FBXO28: variants seen among roughly 807,000 people sequenced by gnomAD.
The protein encoded by FBXO28 is F-box protein 28.
FBXO28 carries 8 observed loss-of-function variants against 38.1 expected under a neutral mutation model. The observed-to-expected ratio is 0.21, with a 90% CI of 0.12 to 0.38. The LOEUF (loss-of-function observed/expected upper bound fraction) is 0.38. Among genes scored for constraint, FBXO28 ranks in the 10% least tolerant of loss-of-function variants. The pLI, the probability that FBXO28 is intolerant of heterozygous loss-of-function variation, is 1.00. For synonymous variants in FBXO28, 168 were observed against 173.8 expected (o/e 0.97, Z 0.26); for missense variants, 345 against 460.6 (o/e 0.75, Z 2.30).
At chr1:224,123,411 C>G (rs1283065702) in intron 1 of FBXO28, among the ~76,000 whole-genome samples, 1 of 132,832 alleles carries the variant, frequency 7.5e-6, no homozygotes, top group Non-Finnish European at 1.5e-5. Flanking sequence ...CCACTCCACT[C>G]CAGCCTGGGC....
At position 224,157,685 on chromosome 1, in the gene FBXO28, A is replaced by G. The variant is rs781186177; in HGVS notation, c.1046A>G (p.Lys349Arg). The change falls in exon 5 of 5, where the codon AAA becomes AGA. Residue 349 changes from lysine (K) to arginine (R), a missense_variant. Transcript: ENST00000366862. ...GQNEESPRKR[K>R]KATEAIDSLR... is the part of the protein sequence containing the mutation. Reference sequence around the variant, plus strand: ...AATGAGGAGTCTCCTCGGAAACGAAAAAAGGCCACGGAAGCCATAGACTCT... The same window carrying G: ...AATGAGGAGTCTCCTCGGAAACGAAGAAAGGCCACGGAAGCCATAGACTCT... 34 of 1,613,810 alleles carry G rather than the reference A, an allele frequency of 2.1e-5. No individual in the cohort carries two copies. The East Asian group carries it at 7.1e-4, about 34-fold the overall frequency.
chr1:224,123,025 G>T lies in FBXO28; in HGVS notation c.268-7447G>T, dbSNP rs532906640. 2.0e-5 allele frequency among the ~76,000 whole-genome samples: 3 copies of T among 152,070 alleles called. No individual in the cohort carries two copies. The East Asian group carries it at 5.8e-4, about 29-fold the overall frequency. ...TTAGTTTCCCTTTTGCTGCTGAATA[G>T]CTGGATGACCTTGGACAAATCACAT... On this transcript the variant is annotated intron_variant, in intron 1 of 4. Transcript: ENST00000366862.
intron 2 of FBXO28, among the ~76,000 whole-genome samples, chr1:224,131,823 G>A (rs1317917488): frequency 2.0e-5 from 3 of 152,150 alleles, no homozygotes; most frequent in African/African-American, 7.2e-5. Context: ...GACTTAAAAT[G>A]TAAAACTTTT....
At chr1:224,137,615 A>G (rs1483470042) in intron 3 of FBXO28, among the ~76,000 whole-genome samples, 5 of 151,912 alleles carry the variant, frequency 3.3e-5, no homozygotes, top group Admixed American at 3.3e-4. Flanking sequence ...TTTGAAAGCT[A>G]TAAAGTAGAG....
intron 3 of FBXO28, among the ~76,000 whole-genome samples, chr1:224,139,108 G>C (rs1246080276): frequency 6.6e-6 from 1 of 151,656 alleles, no homozygotes; most frequent in African/African-American, 2.4e-5. Context: ...ACTGTCACTA[G>C]TAGCCCTGGT....
intron 2 of FBXO28, chr1:224,131,037 T>C (rs1351393869): frequency 6.6e-6 from 1 of 152,508 alleles, no homozygotes. Context: ...GAATACTTAG[T>C]AATACATATA....
chr1:224,153,921 C>CAA (rs3065992), intron 4 of FBXO28, among the ~76,000 whole-genome samples: 3 of 130,682 alleles, frequency 2.3e-5, no homozygotes, highest in African/African-American at 8.4e-5. Context: ...AACTCCATCT[C>CAA]AAAAAAAAAA....
intron 3 of FBXO28, among the ~76,000 whole-genome samples, chr1:224,146,088 T>C (rs1199608941): frequency 2.7e-5 from 4 of 150,110 alleles, no homozygotes; most frequent in Non-Finnish European, 4.4e-5. Flanking sequence ...AAAAAAATTA[T>C]CCGGGCGTGG....
At chr1:224,114,483 C>A (rs575345908) in intron 1 of FBXO28, 87 bp downstream of exon 1, 3 of 1,181,006 alleles carry the variant, frequency 2.5e-6, no homozygotes, top group Admixed American at 2.8e-5. Flanking sequence ...GGGAAGGGAG[C>A]CCCCCGCGAG....
At chr1:224,125,531 G>T (rs1449019313) in intron 1 of FBXO28, among the ~76,000 whole-genome samples, 1 of 152,048 alleles carries the variant, frequency 6.6e-6, no homozygotes, top group Non-Finnish European at 1.5e-5. Context: ...TGCAGAAAAT[G>T]ACCAGCCAGC....
intron 1 of FBXO28, among the ~76,000 whole-genome samples, chr1:224,126,990 TC>T (rs1384692562): frequency 6.6e-5 from 10 of 152,080 alleles, no homozygotes; most frequent in Non-Finnish European, 1.5e-4. Flanking sequence ...TTGCCCTCAT[TC>T]CTTTCTTTCC....
At chr1:224,149,736 C>A (rs934387295) in intron 3 of FBXO28, among the ~76,000 whole-genome samples, 3 of 152,106 alleles carry the variant, frequency 2.0e-5, no homozygotes, top group African/African-American at 7.2e-5. Context: ...GATGTACTTA[C>A]AAATTGTAAT....
At chr1:224,115,221 TCACTC>T (rs1428558631) in intron 1 of FBXO28, among the ~76,000 whole-genome samples, 3 of 152,228 alleles carry the variant, frequency 2.0e-5, no homozygotes, top group African/African-American at 7.2e-5. Context: ...GGGTTTTACT[TCACTC>T]CAGAGGTTTG....
chr1:224,122,809 G>A (rs1230969395), intron 1 of FBXO28, among the ~76,000 whole-genome samples: 1 of 152,160 alleles, frequency 6.6e-6, no homozygotes, highest in Non-Finnish European at 1.5e-5. Flanking sequence ...TGGTGAGAAT[G>A]CCTGTTAATG....
At chr1:224,132,847 T>TA (rs1277912219) in intron 2 of FBXO28, among the ~76,000 whole-genome samples, 1 of 151,334 alleles carries the variant, frequency 6.6e-6, no homozygotes, top group Non-Finnish European at 1.5e-5. Context: ...CTCAAAAAGT[T>TA]AAACAGAGAG....
intron 3 of FBXO28, among the ~76,000 whole-genome samples, chr1:224,142,043 AAT>A (rs1491474095): frequency 2.6e-5 from 1 of 38,778 alleles, no homozygotes; most frequent in Non-Finnish European, 7.7e-5. Flanking sequence ...AGGCACATTA[AAT>A]TTTTTTTTTT....
chr1:224,142,117 C>T (rs1466136798), intron 3 of FBXO28, among the ~76,000 whole-genome samples: 12 of 150,174 alleles, frequency 8.0e-5, no homozygotes, highest in South Asian at 4.2e-4. Context: ...TTTGGGAGGC[C>T]GAGGCAGGCG....
chr1:224,114,299 A>G lies in FBXO28; in HGVS notation c.170A>G (p.Gln57Arg). 2 of 1,565,910 alleles carry G rather than the reference A, an allele frequency of 1.3e-6. No homozygotes were observed. Among genetic ancestry groups the G allele is most frequent in the Non-Finnish European group, 1.7e-6 (2 of 1,155,238 alleles). The change falls in exon 1 of 5, where the codon CAG becomes CGG. Residue 57 changes from glutamine (Q) to arginine (R), a missense_variant. By Grantham distance (43) the Gln-to-Arg change is conservative (BLOSUM62 1). Coordinates refer to ENST00000366862, the MANE Select transcript of FBXO28 (RefSeq NM_015176.4). ...ALPAPALAPD[Q>R]LPQNNTLVAL... ...CCAGCCCCCGCGCTGGCTCCGGACCAGCTGCCTCAAAACAACACGCTTGTG... is the reference window on the plus strand; with the variant it reads ...CCAGCCCCCGCGCTGGCTCCGGACCGGCTGCCTCAAAACAACACGCTTGTG...
At chr1:224,131,907 A>G (rs72753964) in intron 2 of FBXO28, among the ~76,000 whole-genome samples, 19,085 of 152,202 alleles carry the variant, frequency 0.13, 1,210 homozygotes, top group South Asian at 0.17. Context: ...TAAATCATGT[A>G]TCCAGATTAT....
Sources: gnomAD v4.1 joint callset for allele counts (sites outside exome capture counted in the v4.1 genomes callset) on GRCh38, gnomAD v4.1.1 for gene constraint, MANE v1.5 for transcripts, NCBI Gene and HGNC (gene_info 2026-07-23, HGNC 2026-07-21) for gene names.